ZC3H7B: variants seen among roughly 807,000 people sequenced by gnomAD.
The protein encoded by ZC3H7B is zinc finger CCCH-type containing 7B, also known as zinc finger CCCH domain-containing protein 7B.
ZC3H7B carries 35 observed loss-of-function variants against 116.0 expected under a neutral mutation model. The observed-to-expected ratio is 0.30, with a 90% CI of 0.23 to 0.40. ZC3H7B has a LOEUF of 0.40. Ranked by LOEUF, ZC3H7B falls within the 10% of genes least tolerant of loss-of-function variation. The pLI, the probability that ZC3H7B is intolerant of heterozygous loss-of-function variation, is 1.00. For missense variants in ZC3H7B, 1,011 were observed against 1,321.5 expected, an observed-to-expected ratio of 0.77 and a Z score of 3.64; for synonymous variants, 502 against 545.6, an observed-to-expected ratio of 0.92 and a Z score of 1.11.
In ZC3H7B at chr22:41,349,199, G is replaced by A. The variant is rs778231641; in HGVS notation, c.1846G>A (p.Val616Met). The A allele has an allele frequency of 2.4e-5, 39 of 1,613,694 alleles. No individual in the cohort carries two copies. In the African/African-American group the frequency reaches 3.1e-4, roughly 13 times the overall value. Residue 616 changes from valine to methionine, a missense_variant, in exon 16 of 23, where the codon GTG (valine) becomes ATG (methionine). Val to Met is a conservative substitution (Grantham distance 21). Coordinates refer to ENST00000352645, the MANE Select transcript of ZC3H7B (RefSeq NM_017590.6). This position sits in a 1 kb window ranked among gnomAD's most constrained non-coding sequence, Gnocchi z 4.9. Reference sequence around the variant, plus strand: ...GTTCCAGGAGCACTTCCAGTTCGACGTGTGCCGCCATGAGGTGCGCTACGG... The same window carrying A: ...GTTCCAGGAGCACTTCCAGTTCGACATGTGCCGCCATGAGGTGCGCTACGG... Reference protein sequence around the residue: ...RQFQEHFQFDVCRHEVRYGCL... With the variant: ...RQFQEHFQFDMCRHEVRYGCL...
intron 17 of ZC3H7B, among the ~76,000 whole-genome samples, chr22:41,353,527 A>G (rs965709506): frequency 2.6e-5 from 4 of 152,204 alleles, no homozygotes; most frequent in Non-Finnish European, 5.9e-5. Context: ...CCTCGGGCTC[A>G]GAGGGGTGGG....
At chr22:41,328,261 G>A (rs948246544) in intron 5 of ZC3H7B, among the ~76,000 whole-genome samples, 5 of 152,168 alleles carry the variant, frequency 3.3e-5, no homozygotes, top group Middle Eastern at 6.3e-3. Flanking sequence ...GGTTTCATCC[G>A]CACCACAGCG....
rs967441658 is a variant in ZC3H7B at position 41,302,612 on chromosome 22, C to A, written c.-7+840C>A. On this transcript the variant is annotated intron_variant, in intron 1 of 22. Transcript: ENST00000352645. The surrounding 1 kb of genome is among the most constrained non-coding windows in gnomAD (Gnocchi z 5.7). ...TGCCCGCTGCGAACCTCAGGGCCCC[C>A]CTCCGGGTTTGCTCCCTCCTCCTTT... is the stretch of plus-strand genomic sequence containing the variant. 5.3e-5 allele frequency among the ~76,000 whole-genome samples: 8 copies of A among 152,226 alleles called. No homozygotes were observed. Among genetic ancestry groups the A allele is most frequent in the Non-Finnish European group, 8.8e-5 (6 of 68,034 alleles).
chr22:41,347,683 G>C (rs569501950), intron 14 of ZC3H7B, among the ~76,000 whole-genome samples: 1 of 152,050 alleles, frequency 6.6e-6, no homozygotes, highest in South Asian at 2.1e-4. Context: ...GCTCTTCCAG[G>C]TCGGGACTTG....
chr22:41,342,086 C>G (rs1336427586), intron 11 of ZC3H7B, among the ~76,000 whole-genome samples: 1 of 151,298 alleles, frequency 6.6e-6, no homozygotes, highest in Non-Finnish European at 1.5e-5. Flanking sequence ...AAAGAGCTTG[C>G]TACACTCTGA....
Position 41,357,079 on chromosome 22 carries a change from A to T in ZC3H7B, c.2682-98A>T, listed in dbSNP as rs1292805377. On this transcript the variant is annotated intron_variant, in intron 22 of 22. Coordinates refer to ENST00000352645, the MANE Select transcript of ZC3H7B (RefSeq NM_017590.6). This position sits in a 1 kb window ranked among gnomAD's most constrained non-coding sequence, Gnocchi z 5.4. ...AGCTGGGACCCAGCTGCCCAGGGAG[A>T]GGCTTGTCTTCGGGGAGGTCAAGCG... The T allele has an allele frequency of 6.5e-7, 1 of 1,534,584 alleles. No homozygotes were observed. The highest frequency in any genetic ancestry group is 8.7e-7 in the Non-Finnish European group (1 of 1,144,182).
In ZC3H7B at chr22:41,338,083, G is replaced by A. The variant is rs958838863; in HGVS notation, c.583-230G>A. Among the ~76,000 whole-genome samples the A allele has an allele frequency of 6.6e-6, 1 of 152,098 alleles. No homozygotes were observed. The highest frequency in any genetic ancestry group is 2.1e-4 in the South Asian group (1 of 4,824). ...AGGTTTCACCATGTTGGCCATGCTG[G>A]TCTTGAATTTCTGACCTCAGGTGAT... is the stretch of plus-strand genomic sequence containing the variant. On this transcript the variant is annotated intron_variant, in intron 7 of 22. Coordinates refer to ENST00000352645, the MANE Select transcript of ZC3H7B (RefSeq NM_017590.6). The surrounding 1 kb of genome is among the most constrained non-coding windows in gnomAD (Gnocchi z 4.5).
At chr22:41,310,724 A>G (rs2036106412) in intron 1 of ZC3H7B, among the ~76,000 whole-genome samples, 2 of 152,240 alleles carry the variant, frequency 1.3e-5, no homozygotes, top group African/African-American at 2.4e-5. Flanking sequence ...ATAATTTCCA[A>G]AGCTTTTACA....
intron 5 of ZC3H7B, among the ~76,000 whole-genome samples, chr22:41,329,031 CAAAAAAAAA>C (rs905189346): frequency 9.6e-4 from 39 of 40,484 alleles, no homozygotes; most frequent in Admixed American, 1.6e-3. Context: ...TACTAAAATA[CAAAAAAAAA>C]AAAAAAAAAA....
intron 13 of ZC3H7B, 92 bp from the exon 14 acceptor site, chr22:41,345,911 G>A (rs905986881): frequency 5.1e-6 from 7 of 1,366,376 alleles, no homozygotes; most frequent in Non-Finnish European, 7.2e-6. Flanking sequence ...GGCTCATGGG[G>A]CCAGAGCCCC....
At position 41,327,293 on chromosome 22, in the gene ZC3H7B, G is replaced by C. The variant is rs889425116; in HGVS notation, c.373G>C (p.Ala125Pro). Residue 125 changes from alanine (A) to proline (P), a missense_variant, in exon 5 of 23, where the codon GCT becomes CCT. Physicochemically the swap from Ala to Pro is conservative, Grantham distance 27. Around this residue, in one of 5 missense-constraint regions of ZC3H7B, gnomAD observed 322 missense variants for 443.9 expected, o/e 0.73. Coordinates refer to ENST00000352645, the MANE Select transcript of ZC3H7B (RefSeq NM_017590.6). The surrounding 1 kb of genome is among the most constrained non-coding windows in gnomAD (Gnocchi z 4.5). ...CCGGGCGTTGTTCCGCAAGGCACGC[G>C]CTCTCAATGAACTGGGACGCCACAA... ...SIRALFRKARALNELGRHKEA... is the reference protein window; with the variant it reads ...SIRALFRKARPLNELGRHKEA... 6.2e-7 allele frequency: 1 copy of C among 1,613,756 alleles called. No homozygotes were observed. Among genetic ancestry groups the C allele is most frequent in the Non-Finnish European group, 8.5e-7 (1 of 1,180,052 alleles).
At chr22:41,307,590 C>T (rs762150285) in intron 1 of ZC3H7B, among the ~76,000 whole-genome samples, 1 of 152,122 alleles carries the variant, frequency 6.6e-6, no homozygotes. Context: ...TGGTGGGGAT[C>T]GTGGGGATAC....
intron 2 of ZC3H7B, among the ~76,000 whole-genome samples, chr22:41,321,336 C>T (rs2145910293): frequency 6.6e-6 from 1 of 151,988 alleles, no homozygotes; most frequent in African/African-American, 2.4e-5. Flanking sequence ...CTGCCTCAGC[C>T]TCTCGAGTAG....
Position 41,338,186 on chromosome 22 carries a change from C to A in ZC3H7B, c.583-127C>A. 1 of 979,058 alleles carries A rather than the reference C, an allele frequency of 1.0e-6. No individual in the cohort carries two copies. Among genetic ancestry groups the A allele is most frequent in the Non-Finnish European group, 1.5e-6 (1 of 664,302 alleles). 60.6% of individuals were successfully genotyped at this position (979,058 alleles called of 1,614,324 possible). On this transcript the variant is annotated intron_variant, in intron 7 of 22. Coordinates refer to ENST00000352645, the MANE Select transcript of ZC3H7B (RefSeq NM_017590.6). The surrounding 1 kb of genome is among the most constrained non-coding windows in gnomAD (Gnocchi z 4.5). ...CCTGGCCGCATGTGAGGGCTTTAATCTCCCCTGGCACTCTAAGTGCTCCTC... is the reference window on the plus strand; with the variant it reads ...CCTGGCCGCATGTGAGGGCTTTAATATCCCCTGGCACTCTAAGTGCTCCTC...
At chr22:41,345,786 G>A (rs954614450) in intron 13 of ZC3H7B, among the ~76,000 whole-genome samples, 1 of 152,020 alleles carries the variant, frequency 6.6e-6, no homozygotes, top group African/African-American at 2.4e-5. Context: ...CTGCGTTGGG[G>A]TGCAGAAGGG....
At position 41,340,083 on chromosome 22, in the gene ZC3H7B, C is replaced by G; in HGVS notation, c.1084C>G (p.Leu362Val). 6.2e-7 allele frequency: 1 copy of G among 1,612,134 alleles called. No individual in the cohort carries two copies. Among genetic ancestry groups the G allele is most frequent in the Non-Finnish European group, 8.5e-7 (1 of 1,179,868 alleles). The stretch of plus-strand genomic sequence containing the variant: ...GTACTCGGAGACCCGGCTGGATGCA[C>G]TCGACAGCTTTGGGTCGACACGAGG... ...LPYSETRLDA[L>V]DSFGSTRGSL... is the part of the protein sequence containing the mutation. Residue 362 changes from leucine (L) to valine (V), a missense_variant, in exon 10 of 23, where the codon CTC (leucine) becomes GTC (valine). By Grantham distance (32) the Leu-to-Val change is conservative. This residue lies in a region of ZC3H7B where 99 missense variants were observed against 89.5 expected (regional missense o/e 1.11). Coordinates refer to ENST00000352645, the MANE Select transcript of ZC3H7B (RefSeq NM_017590.6).
At chr22:41,326,300 CATAGCCTCAGCCTCCTCACT>C (rs1601774902) in intron 4 of ZC3H7B, among the ~76,000 whole-genome samples, 1 of 151,978 alleles carries the variant, frequency 6.6e-6, no homozygotes, top group South Asian at 2.1e-4. Context: ...CTGTTCCTTC[CATAGCCTCAGCCTCCTCACT>C]GTTCCTCCCA....
At chr22:41,311,461 G>C (rs558446798) in intron 1 of ZC3H7B, among the ~76,000 whole-genome samples, 2 of 152,204 alleles carry the variant, frequency 1.3e-5, no homozygotes, top group South Asian at 4.2e-4. Flanking sequence ...GCACCAAAGA[G>C]GACTTTGGAC....
intron 1 of ZC3H7B, among the ~76,000 whole-genome samples, chr22:41,311,789 G>A (rs1169032919): frequency 6.6e-6 from 1 of 152,064 alleles, no homozygotes; most frequent in East Asian, 1.9e-4. Context: ...GAAGCTCGGG[G>A]ATGTTGGTCT....
Sources: allele counts gnomAD v4.1 joint callset (sites outside exome capture counted in the v4.1 genomes callset), GRCh38; gene constraint gnomAD v4.1.1; regional missense constraint gnomAD v4.1.1; non-coding constraint Gnocchi (gnomAD v3.1); transcripts MANE v1.5; gene names NCBI Gene and HGNC (gene_info 2026-07-23, HGNC 2026-07-21).